Variants in GLRA2 observed in about 807,000 individuals in gnomAD.
The protein encoded by GLRA2 is glycine receptor subunit alpha-2.
In GLRA2, 11 loss-of-function variants were observed where a neutral mutation model predicts 31.6. That is an observed-to-expected ratio of 0.35 (90% confidence interval 0.22 to 0.58). The LOEUF is 0.58. Among genes scored for constraint, GLRA2 ranks in the 20% least tolerant of loss-of-function variants. The pLI, the probability that GLRA2 is intolerant of heterozygous loss-of-function variation, is 0.84. For missense variants in GLRA2, 212 were observed against 351.8 expected, an observed-to-expected ratio of 0.60 and a Z score of 3.18; for synonymous variants, 132 against 134.0, an observed-to-expected ratio of 0.99 and a Z score of 0.10.
chrX:14,556,664 G>T (rs907589054), intron 2 of GLRA2, among the ~76,000 whole-genome samples: 1 of 112,006 alleles, frequency 8.9e-6, no homozygotes, highest in Admixed American at 9.5e-5. Flanking sequence ...AACATAAACT[G>T]TTCACTTTAA....
At chrX:14,599,679 G>A (rs2090246306) in intron 4 of GLRA2, among the ~76,000 whole-genome samples, 1 of 111,931 alleles carries the variant, frequency 8.9e-6, no homozygotes, top group Non-Finnish European at 1.9e-5. Flanking sequence ...ATTCTAGGGT[G>A]ATGGGAATGC....
chrX:14,590,267 G>A (rs985029712), intron 4 of GLRA2, among the ~76,000 whole-genome samples: 1 of 111,013 alleles, frequency 9.0e-6, no homozygotes, highest in Non-Finnish European at 1.9e-5. Context: ...CTTGGGGATT[G>A]ACACGCTTTT....
chrX:14,523,156 C>T, the GLRA2 span, among the ~76,000 whole-genome samples: 1 of 112,272 alleles, frequency 8.9e-6, no homozygotes, highest in African/African-American at 3.2e-5. Flanking sequence ...GTAGCTTCTA[C>T]ATCAGGACTT....
At chrX:14,645,080 G>T (rs906366560) in intron 7 of GLRA2, among the ~76,000 whole-genome samples, 1 of 111,634 alleles carries the variant, frequency 9.0e-6, no homozygotes, top group Non-Finnish European at 1.9e-5. Flanking sequence ...TTACTATATG[G>T]CCATTAATGA....
At chrX:14,493,560 C>T in the GLRA2 span, among the ~76,000 whole-genome samples, 1 of 103,574 alleles carries the variant, frequency 9.7e-6, no homozygotes, top group Non-Finnish European at 2.0e-5. Flanking sequence ...TACATATATA[C>T]ACATATATAC....
At chrX:14,502,683 TTATC>T in the GLRA2 span, among the ~76,000 whole-genome samples, 1 of 111,036 alleles carries the variant, frequency 9.0e-6, no homozygotes, top group African/African-American at 3.3e-5. Context: ...TCAAAACACT[TTATC>T]TAATATATAG....
At chrX:14,459,353 A>C in the GLRA2 span, among the ~76,000 whole-genome samples, 3 of 110,919 alleles carry the variant, frequency 2.7e-5, no homozygotes, top group Non-Finnish European at 3.8e-5. Flanking sequence ...CTTGGCAATG[A>C]GGGCTCTTTT....
At chrX:14,553,935 G>A (rs929374782) in intron 2 of GLRA2, among the ~76,000 whole-genome samples, 16 of 111,763 alleles carry the variant, frequency 1.4e-4, no homozygotes, top group African/African-American at 4.9e-4. Context: ...ACTTCCCGAC[G>A]TCTCATCCAG....
At chrX:14,721,779 C>T (rs2091869420) in intron 8 of GLRA2, among the ~76,000 whole-genome samples, 1 of 111,626 alleles carries the variant, frequency 9.0e-6, no homozygotes, top group Non-Finnish European at 1.9e-5. Context: ...GCCTGTTCTT[C>T]AGTTCTTTGT....
At chrX:14,715,407 A>G (rs182844099) in intron 8 of GLRA2, among the ~76,000 whole-genome samples, 4 of 112,384 alleles carry the variant, frequency 3.6e-5, no homozygotes, top group African/African-American at 1.3e-4. Flanking sequence ...TACTTTATAC[A>G]TATATGCATT....
At chrX:14,493,624 CAT>C in the GLRA2 span, among the ~76,000 whole-genome samples, 27 of 91,583 alleles carry the variant, frequency 2.9e-4, no homozygotes, top group South Asian at 3.4e-3. Flanking sequence ...CATATATACA[CAT>C]ATATACATAT....
chrX:14,545,145 A>G (rs773731880), intron 2 of GLRA2, among the ~76,000 whole-genome samples: 11 of 112,119 alleles, frequency 9.8e-5, no homozygotes, highest in Non-Finnish European at 2.1e-4. Flanking sequence ...TGGGATACCA[A>G]TTGTCTTAGT....
At chrX:14,706,619 T>C (rs1326714468) in intron 8 of GLRA2, among the ~76,000 whole-genome samples, 3 of 111,762 alleles carry the variant, frequency 2.7e-5, no homozygotes, top group African/African-American at 9.8e-5. Context: ...GGATTATCAT[T>C]CTGGTATTAG....
At chrX:14,685,134 G>A (rs2091261185) in intron 7 of GLRA2, among the ~76,000 whole-genome samples, 1 of 111,898 alleles carries the variant, frequency 8.9e-6, no homozygotes, top group South Asian at 3.8e-4. Flanking sequence ...ATTTGCATAT[G>A]TTGAACCAGC....
At chrX:14,525,731 G>A (rs1312797284), upstream of GLRA2, among the ~76,000 whole-genome samples, 1 of 111,521 alleles carries the variant, frequency 9.0e-6, no homozygotes, top group Admixed American at 9.6e-5. Context: ...TTAGACTGCT[G>A]CGCCACTGAA....
intron 8 of GLRA2, among the ~76,000 whole-genome samples, chrX:14,725,326 C>T (rs1428575033): frequency 9.0e-6 from 1 of 111,707 alleles, no homozygotes; most frequent in African/African-American, 3.3e-5. Context: ...TGTGATTAAG[C>T]ATCATTCAAC....
At chrX:14,622,640 G>T (rs1488044780) in intron 7 of GLRA2, among the ~76,000 whole-genome samples, 1 of 111,594 alleles carries the variant, frequency 9.0e-6, no homozygotes, top group African/African-American at 3.3e-5. Flanking sequence ...TTCTCGTTAG[G>T]TTTGTCAAAG....
intron 7 of GLRA2, among the ~76,000 whole-genome samples, chrX:14,640,872 A>T (rs751629262): frequency 7.4e-5 from 8 of 108,462 alleles, no homozygotes; most frequent in Non-Finnish European, 1.3e-4. Context: ...TTATCTTGAC[A>T]ATATATATAT....
At chrX:14,668,651 G>A (rs997796109) in intron 7 of GLRA2, among the ~76,000 whole-genome samples, 2 of 112,278 alleles carry the variant, frequency 1.8e-5, no homozygotes, top group African/African-American at 3.2e-5. Context: ...GCAGACAAGA[G>A]AAGAGAGCTT....
Sources: gnomAD v4.1 joint callset for allele counts (sites outside exome capture counted in the v4.1 genomes callset) on GRCh38, gnomAD v4.1.1 for gene constraint, MANE v1.5 for transcripts, NCBI Gene and HGNC (gene_info 2026-07-23, HGNC 2026-07-21) for gene names.